Variants in CDH18 observed in about 807,000 individuals in gnomAD.
The protein encoded by CDH18 is cadherin-18.
Under a neutral mutation model 67.9 loss-of-function variants are expected in CDH18, and 31 were observed. The ratio of observed to expected loss-of-function variants is 0.46; its 90% CI spans 0.34 to 0.62. The LOEUF is 0.62. CDH18 is among the 20% of genes least tolerant of loss of function. The pLI is 0.01. For synonymous variants in CDH18, 362 were observed against 347.2 expected (o/e 1.04, Z -0.48); for missense variants, 890 against 975.5 (o/e 0.91, Z 1.17).
intron 3 of CDH18, among the ~76,000 whole-genome samples, chr5:19,781,511 C>T (rs1775108173): frequency 1.3e-5 from 2 of 151,968 alleles, no homozygotes; most frequent in African/African-American, 2.4e-5. Flanking sequence ...TTTCCCAAAA[C>T]CAGGCACTAT....
chr5:20,085,564 G>C (rs1744871372), intron 2 of CDH18, among the ~76,000 whole-genome samples: 3 of 152,072 alleles, frequency 2.0e-5, no homozygotes, highest in Non-Finnish European at 4.4e-5. Context: ...CTGTTTTCAT[G>C]CTTCTAATAA....
At chr5:20,162,876 T>C (rs1174110886) in intron 2 of CDH18, among the ~76,000 whole-genome samples, 1 of 151,882 alleles carries the variant, frequency 6.6e-6, no homozygotes, top group Non-Finnish European at 1.5e-5. Flanking sequence ...TTGGCCAGCA[T>C]GACGAAATCC....
intron 2 of CDH18, among the ~76,000 whole-genome samples, chr5:19,949,518 A>G (rs1795588136): frequency 1.3e-5 from 2 of 152,116 alleles, no homozygotes; most frequent in African/African-American, 4.8e-5. Flanking sequence ...CCAAATTTCT[A>G]AAAAGAATGT....
At chr5:19,757,730 T>G (rs1487160895) in intron 3 of CDH18, among the ~76,000 whole-genome samples, 1 of 152,216 alleles carries the variant, frequency 6.6e-6, no homozygotes, top group Non-Finnish European at 1.5e-5. Context: ...TTTCCGATCA[T>G]GCTTCTTCCA....
intron 12 of CDH18, among the ~76,000 whole-genome samples, chr5:19,476,056 T>C (rs903165387): frequency 1.3e-5 from 2 of 151,652 alleles, no homozygotes; most frequent in Admixed American, 1.3e-4. Context: ...AAGCCAGAGA[T>C]GGAAAGGAAA....
At chr5:19,962,160 T>C (rs1042897747) in intron 2 of CDH18, among the ~76,000 whole-genome samples, 7 of 151,860 alleles carry the variant, frequency 4.6e-5, no homozygotes, top group African/African-American at 1.7e-4. Flanking sequence ...TGGGAAGTCT[T>C]CTCCACTGTT....
At chr5:19,708,750 C>G (rs993853206) in intron 5 of CDH18, among the ~76,000 whole-genome samples, 1 of 152,138 alleles carries the variant, frequency 6.6e-6, no homozygotes, top group Non-Finnish European at 1.5e-5. Flanking sequence ...TTTAGTTAAT[C>G]TATAATCTAT....
At chr5:20,222,224 A>G (rs577713893) in intron 2 of CDH18, among the ~76,000 whole-genome samples, 1 of 152,320 alleles carries the variant, frequency 6.6e-6, no homozygotes, top group African/African-American at 2.4e-5. Context: ...TGCAGAGCCA[A>G]CAGATTTGCT....
chr5:20,430,157 A>G (rs1748622696), intron 1 of CDH18, among the ~76,000 whole-genome samples: 1 of 152,190 alleles, frequency 6.6e-6, no homozygotes, highest in Non-Finnish European at 1.5e-5. Flanking sequence ...GTTTTGAAAT[A>G]AGAACTTAAT....
At chr5:19,512,794 C>G (rs1334516883) in intron 10 of CDH18, among the ~76,000 whole-genome samples, 1 of 151,624 alleles carries the variant, frequency 6.6e-6, no homozygotes, top group South Asian at 2.1e-4. Flanking sequence ...TCCTTTTTTG[C>G]TTTATATGGT....
chr5:19,571,864 TATAAAAAAAGTCATATTATGAC>T (rs1561374880), intron 7 of CDH18, 32 bp from the exon 8 acceptor site: 1 of 1,556,550 alleles, frequency 6.4e-7, no homozygotes, highest in Admixed American at 1.9e-5. Context: ...TTATGACTTT[TATAAAAAAAGTCATATTATGAC>T]TTTCATTACT....
chr5:20,079,484 T>C (rs943539686), intron 2 of CDH18, among the ~76,000 whole-genome samples: 5 of 152,218 alleles, frequency 3.3e-5, no homozygotes, highest in African/African-American at 1.2e-4. Context: ...GTTGTTTTCA[T>C]ATGTTGACTA....
chr5:20,546,362 G>A (rs921453259), intron 1 of CDH18, among the ~76,000 whole-genome samples: 2 of 151,752 alleles, frequency 1.3e-5, no homozygotes, highest in Non-Finnish European at 2.9e-5. Context: ...CACTCTGCCA[G>A]TACCAATTCT....
chr5:19,902,513 A>G (rs1467613742), intron 2 of CDH18, among the ~76,000 whole-genome samples: 1 of 152,010 alleles, frequency 6.6e-6, no homozygotes, highest in Non-Finnish European at 1.5e-5. Context: ...AAGCCTGTAC[A>G]CAAACCGTGT....
At chr5:19,859,592 T>G (rs959417717) in intron 2 of CDH18, among the ~76,000 whole-genome samples, 2 of 152,136 alleles carry the variant, frequency 1.3e-5, no homozygotes, top group Non-Finnish European at 2.9e-5. Context: ...CCACAACTCA[T>G]TATCCTAACC....
At chr5:20,209,444 G>T (rs548527634) in intron 2 of CDH18, among the ~76,000 whole-genome samples, 43 of 152,126 alleles carry the variant, frequency 2.8e-4, no homozygotes, top group Middle Eastern at 6.8e-3. Context: ...CCTGTCATTT[G>T]CAGCAACATG....
At chr5:20,193,128 C>A (rs1738681202) in intron 2 of CDH18, among the ~76,000 whole-genome samples, 1 of 151,954 alleles carries the variant, frequency 6.6e-6, no homozygotes, top group Admixed American at 6.6e-5. Context: ...AATGGGAGTT[C>A]ATTCATGATT....
At chr5:19,604,453 CCAGA>C (rs1382139608) in intron 6 of CDH18, among the ~76,000 whole-genome samples, 1 of 150,744 alleles carries the variant, frequency 6.6e-6, no homozygotes, top group Non-Finnish European at 1.5e-5. Flanking sequence ...ATAAAATTAA[CCAGA>C]CAGTTTTTAT....
chr5:19,903,205 T>G (rs531146566), intron 2 of CDH18, among the ~76,000 whole-genome samples: 1 of 151,962 alleles, frequency 6.6e-6, no homozygotes, highest in African/African-American at 2.4e-5. Flanking sequence ...TTCCACATTT[T>G]AAATTTAAAA....
Sources: gnomAD v4.1 joint callset for allele counts (sites outside exome capture counted in the v4.1 genomes callset) on GRCh38, gnomAD v4.1.1 for gene constraint, MANE v1.5 for transcripts, NCBI Gene and HGNC (gene_info 2026-07-23, HGNC 2026-07-21) for gene names.